Variants in USP37 observed in about 807,000 individuals in gnomAD.
The protein encoded by USP37 is ubiquitin specific peptidase 37.
In USP37, 27 loss-of-function variants were observed where a neutral mutation model predicts 124.0. That is an observed-to-expected ratio of 0.22 (90% CI 0.16 to 0.30). The LOEUF is 0.30. Among genes scored for constraint, USP37 ranks in the 10% least tolerant of loss-of-function variants. USP37 has a pLI of 1.00. For synonymous variants in USP37, 365 were observed against 388.0 expected (o/e 0.94, Z 0.70); for missense variants, 889 against 1,140.4 (o/e 0.78, Z 3.17).
intron 11 of USP37, among the ~76,000 whole-genome samples, chr2:218,505,911 C>T (rs1689654884): frequency 6.6e-6 from 1 of 151,830 alleles, no homozygotes; most frequent in South Asian, 2.1e-4. Context: ...GTCACCCAGG[C>T]TGGAGTGCAG....
chr2:218,567,394 T>C (rs953657993), intron 1 of USP37, among the ~76,000 whole-genome samples: 2 of 152,154 alleles, frequency 1.3e-5, no homozygotes, highest in Non-Finnish European at 2.9e-5. Flanking sequence ...TTCATCCACA[T>C]CCATGGCTTC....
At chr2:218,474,301 T>G (rs1690847514) in intron 20 of USP37, among the ~76,000 whole-genome samples, 2 of 152,202 alleles carry the variant, frequency 1.3e-5, no homozygotes, top group Admixed American at 6.6e-5. Context: ...TTTTCAAAGC[T>G]TTTTATAATA....
chr2:218,507,996 C>T (rs1689768648), intron 11 of USP37, among the ~76,000 whole-genome samples: 1 of 152,168 alleles, frequency 6.6e-6, no homozygotes, highest in South Asian at 2.1e-4. Flanking sequence ...AATTATTTTT[C>T]ATGGAATCCC....
intron 1 of USP37, among the ~76,000 whole-genome samples, chr2:218,563,055 C>T (rs1042959634): frequency 8.0e-5 from 12 of 150,814 alleles, no homozygotes; most frequent in South Asian, 2.1e-4. Context: ...CCCAGCTACT[C>T]GGGAGGCTGA....
chr2:218,565,848 A>G (rs1693569372), intron 1 of USP37, among the ~76,000 whole-genome samples: 2 of 152,206 alleles, frequency 1.3e-5, no homozygotes, highest in Non-Finnish European at 2.9e-5. Context: ...CAAGAGTTCA[A>G]GACCAGCCTG....
At chr2:218,522,146 G>C (rs891233483) in intron 10 of USP37, among the ~76,000 whole-genome samples, 3 of 151,404 alleles carry the variant, frequency 2.0e-5, no homozygotes, top group Admixed American at 6.6e-5. Context: ...AAAAGTGCTA[G>C]GATTTATAGG....
At chr2:218,492,624 G>C (rs1460461402) in intron 14 of USP37, among the ~76,000 whole-genome samples, 2 of 152,188 alleles carry the variant, frequency 1.3e-5, no homozygotes, top group African/African-American at 4.8e-5. Flanking sequence ...TAGTGGCAAT[G>C]AAAGTGGTAA....
intron 1 of USP37, among the ~76,000 whole-genome samples, chr2:218,565,905 C>T (rs748298531): frequency 4.6e-5 from 7 of 151,944 alleles, no homozygotes; most frequent in Admixed American, 2.0e-4. Flanking sequence ...AAAAATTAGC[C>T]GGGCATGGTG....
In USP37 at chr2:218,451,631, G is replaced by C. The variant is rs1390247282; in HGVS notation, c.*3299C>G. On this transcript the variant is annotated 3_prime_UTR_variant, in exon 26 of 26. Transcript: ENST00000258399. ...AATGGTAACTACACACGATACAGAA[G>C]AATCAGTAAATTCATGGATTATTTT... 6.6e-6 allele frequency: 1 copy of C among 151,994 alleles called. No individual in the cohort carries two copies. Among genetic ancestry groups the C allele is most frequent in the African/African-American group, 2.4e-5 (1 of 41,362 alleles). 9.4% of individuals were successfully genotyped at this position (151,994 alleles called of 1,614,324 possible).
chr2:218,508,714 AAAC>A (rs1486962183), intron 11 of USP37, among the ~76,000 whole-genome samples: 2 of 152,214 alleles, frequency 1.3e-5, no homozygotes, highest in African/African-American at 4.8e-5. Context: ...ACTGGAAAGC[AAAC>A]ATCATAGAAG....
chr2:218,547,498 T>C (rs1692414827), intron 6 of USP37, among the ~76,000 whole-genome samples: 1 of 151,766 alleles, frequency 6.6e-6, no homozygotes. Flanking sequence ...AGCTTGACAC[T>C]TATTTTCCTA....
intron 25 of USP37, 78 bp from the exon 26 acceptor site, chr2:218,455,095 A>C: frequency 6.5e-7 from 1 of 1,529,886 alleles, no homozygotes; most frequent in South Asian, 1.1e-5. Context: ...AAAAAGTAAA[A>C]TAAAATTGAT....
rs1689472851 is a variant in USP37, at chr2:218,451,379, G to T, written c.*3551C>A. 1 of 152,002 alleles carries T rather than the reference G, an allele frequency of 6.6e-6. No individual in the cohort carries two copies. The highest frequency in any genetic ancestry group is 1.5e-5 in the Non-Finnish European group (1 of 68,014). The allele number at this position is 152,002 out of a possible 1,614,324, so 9.4% of individuals were successfully genotyped here. ...TTTAAAACAAAAGACCACCTCGGGGGGTCAATTAAATTAAAAAGGCCCTCC... is the reference window on the plus strand; with the variant it reads ...TTTAAAACAAAAGACCACCTCGGGGTGTCAATTAAATTAAAAAGGCCCTCC... On this transcript the variant is annotated 3_prime_UTR_variant, in exon 26 of 26. Coordinates refer to ENST00000258399, the MANE Select transcript of USP37 (RefSeq NM_020935.3).
chr2:218,517,860 G>A (rs142409279), intron 10 of USP37, among the ~76,000 whole-genome samples: 134 of 152,128 alleles, frequency 8.8e-4, no homozygotes, highest in African/African-American at 3.0e-3. Flanking sequence ...ACTATATTAT[G>A]TCTCTTAACA....
At chr2:218,553,854 T>C in intron 4 of USP37, 130 bp from the exon 5 acceptor site, 1 of 995,268 alleles carries the variant, frequency 1.0e-6, no homozygotes, top group Non-Finnish European at 1.4e-6. Context: ...AATTTAATTT[T>C]TTTCAACCAA....
chr2:218,561,072 T>C (rs1441574441), intron 2 of USP37, among the ~76,000 whole-genome samples, 189 bp from the exon 3 acceptor site: 3 of 152,230 alleles, frequency 2.0e-5, no homozygotes, highest in African/African-American at 7.2e-5. Context: ...TTAATGTTTA[T>C]AGAACTGTCT....
At chr2:218,485,854 C>T in intron 15 of USP37, 111 bp from the exon 16 acceptor site, 2 of 1,215,606 alleles carry the variant, frequency 1.6e-6, no homozygotes, top group South Asian at 1.6e-5. Context: ...CAACTCTGAA[C>T]CAGTTTTAAA....
chr2:218,466,569 C>T lies in USP37; in HGVS notation c.2300-393G>A, dbSNP rs1252918819. On this transcript the variant is annotated intron_variant, in intron 20 of 25. Transcript: ENST00000258399. Reference sequence around the variant, plus strand: ...GAACAAATGATCTACAGTGATGGTTCTAAAAGTTAATTAATCATCAGAAAC... The same window carrying T: ...GAACAAATGATCTACAGTGATGGTTTTAAAAGTTAATTAATCATCAGAAAC... Among the ~76,000 whole-genome samples the T allele has an allele frequency of 2.0e-5, 3 of 151,966 alleles. No individual in the cohort carries two copies. In the South Asian group the frequency reaches 6.2e-4, roughly 32 times the overall value.
In USP37 at chr2:218,562,698, C is replaced by G. The variant is rs1344225134; in HGVS notation, c.-114G>C. On this transcript the variant is annotated 5_prime_UTR_variant, in exon 2 of 26. Coordinates refer to ENST00000258399, the MANE Select transcript of USP37 (RefSeq NM_020935.3). Reference sequence around the variant, plus strand: ...TTTTCAGTGACTTTTACCGAAAAACCCTATGTAATAGCAATTCACCTTTAT... The same window carrying G: ...TTTTCAGTGACTTTTACCGAAAAACGCTATGTAATAGCAATTCACCTTTAT... The G allele has an allele frequency of 1.5e-5, 6 of 398,490 alleles. No individual in the cohort carries two copies. In the East Asian group the frequency reaches 2.1e-4, roughly 14 times the overall value. 24.7% of individuals were successfully genotyped at this position (398,490 alleles called of 1,614,324 possible).
Sources: allele counts gnomAD v4.1 joint callset (sites outside exome capture counted in the v4.1 genomes callset), GRCh38; gene constraint gnomAD v4.1.1; transcripts MANE v1.5; gene names NCBI Gene and HGNC (gene_info 2026-07-23, HGNC 2026-07-21).